The following DENND6A variants were observed in gnomAD, a reference collection of about 807,000 sequenced individuals.
DENND6A encodes the protein protein DENND6A.
In DENND6A, 43 loss-of-function variants were observed where a neutral mutation model predicts 95.5. The observed-to-expected ratio is 0.45, with a 90% CI of 0.35 to 0.58. DENND6A has a LOEUF of 0.58. Ranked by LOEUF, DENND6A falls within the 20% of genes least tolerant of loss-of-function variation. The pLI is 0.00. For synonymous variants in DENND6A, 257 were observed against 260.4 expected, an observed-to-expected ratio of 0.99 and a Z score of 0.13; for missense variants, 574 against 736.0, an observed-to-expected ratio of 0.78 and a Z score of 2.55.
At chr3:57,672,339 TAATC>T in intron 2 of DENND6A, 41 bp from the exon 3 acceptor site, 1 of 1,610,096 alleles carries the variant, frequency 6.2e-7, no homozygotes. Context: ...GACACATACA[TAATC>T]AATAAAAACA....
intron 11 of DENND6A, among the ~76,000 whole-genome samples, chr3:57,642,732 C>A (rs1431056302): frequency 1.3e-5 from 2 of 152,006 alleles, no homozygotes; most frequent in Non-Finnish European, 2.9e-5. Flanking sequence ...CGGCCAGGCG[C>A]GGTGGCTCAC....
At chr3:57,668,519 C>A (rs2071562510) in intron 3 of DENND6A, among the ~76,000 whole-genome samples, 1 of 152,122 alleles carries the variant, frequency 6.6e-6, no homozygotes, top group Non-Finnish European at 1.5e-5. Flanking sequence ...AAACACTGGA[C>A]AAATATTTAT....
chr3:57,675,730 G>A (rs752432866), intron 1 of DENND6A, among the ~76,000 whole-genome samples: 35 of 152,172 alleles, frequency 2.3e-4, no homozygotes, highest in Admixed American at 2.0e-4. Context: ...CACTCTACAA[G>A]CCAACCAAAC....
chr3:57,691,661 A>G (rs1389702283), intron 1 of DENND6A, among the ~76,000 whole-genome samples: 2 of 111,248 alleles, frequency 1.8e-5, no homozygotes, highest in Non-Finnish European at 3.6e-5. Flanking sequence ...GAAATCTGTC[A>G]CCAATACCAA....
intron 15 of DENND6A, among the ~76,000 whole-genome samples, chr3:57,631,690 G>A (rs1298188502): frequency 6.7e-6 from 1 of 150,236 alleles, no homozygotes; most frequent in Non-Finnish European, 1.5e-5. Flanking sequence ...TTGAAATGAG[G>A]TCTACTTGAC....
At chr3:57,689,316 A>T (rs2077239901) in intron 1 of DENND6A, among the ~76,000 whole-genome samples, 1 of 147,222 alleles carries the variant, frequency 6.8e-6, no homozygotes, top group African/African-American at 2.5e-5. Context: ...TTCACTCAGA[A>T]AAAAAAAAAA....
chr3:57,655,036 A>ATTT (rs374656731), intron 9 of DENND6A: 3 of 149,820 alleles, frequency 2.0e-5, no homozygotes, highest in African/African-American at 5.0e-5. Flanking sequence ...GAAAACAAGA[A>ATTT]TTTTTTTTTT....
At chr3:57,675,100 G>T (rs1198280814) in intron 1 of DENND6A, among the ~76,000 whole-genome samples, 2 of 152,144 alleles carry the variant, frequency 1.3e-5, no homozygotes. Flanking sequence ...ACATGTTTAT[G>T]TAACAAACTT....
At chr3:57,633,233 T>G in intron 15 of DENND6A, 32 bp downstream of exon 15, 1 of 1,566,378 alleles carries the variant, frequency 6.4e-7, no homozygotes, top group Non-Finnish European at 8.8e-7. Context: ...ACCAAATCAT[T>G]AAATTATGCA....
chr3:57,659,076 A>G, intron 8 of DENND6A, 42 bp downstream of exon 8: 1 of 1,590,662 alleles, frequency 6.3e-7, no homozygotes, highest in Non-Finnish European at 8.6e-7. Flanking sequence ...TGTTAAAGAG[A>G]CTATATATGT....
intron 9 of DENND6A, among the ~76,000 whole-genome samples, chr3:57,648,067 T>G (rs1299271022): frequency 6.6e-6 from 1 of 152,112 alleles, no homozygotes; most frequent in African/African-American, 2.4e-5. Flanking sequence ...ATGAGGAATT[T>G]AAACTGTCAC....
intron 5 of DENND6A, among the ~76,000 whole-genome samples, chr3:57,662,378 T>C (rs2071440205): frequency 6.6e-6 from 1 of 151,564 alleles, no homozygotes; most frequent in South Asian, 2.1e-4. Flanking sequence ...TCAGGGTGGA[T>C]TTTTGGTAGA....
intron 1 of DENND6A, among the ~76,000 whole-genome samples, chr3:57,688,924 T>G (rs1025102632): frequency 6.6e-6 from 1 of 152,332 alleles, no homozygotes; most frequent in Non-Finnish European, 1.5e-5. Context: ...AGCAGTTGCC[T>G]CTTAGTAGAA....
chr3:57,678,250 G>C (rs12636563), intron 1 of DENND6A, among the ~76,000 whole-genome samples: 24,640 of 152,110 alleles, frequency 0.16, 2,678 homozygotes, highest in East Asian at 0.48. Context: ...TATCTCTACA[G>C]CTTATCAGAA....
rs765306534 is a variant in DENND6A at position 57,693,037 on chromosome 3, TCGCGCCGCCTCCACAGCGGAC to T, written c.-40_-20del. The T allele has an allele frequency of 1.2e-5, 17 of 1,389,376 alleles. No individual in the cohort carries two copies. The South Asian group carries it at 1.4e-4, about 12-fold the overall frequency. 86.1% of individuals were successfully genotyped at this position (1,389,376 alleles called of 1,614,324 possible). The stretch of plus-strand genomic sequence containing the variant: ...AAGCCATCGGCCGCCCCCTGACCGT[TCGCGCCGCCTCCACAGCGGAC>T]CGCGCCGCAGAGCGCGCTTGCCTCC... On this transcript the variant is annotated 5_prime_UTR_variant, in exon 1 of 20. Coordinates refer to ENST00000311128, the MANE Select transcript of DENND6A (RefSeq NM_152678.3).
At chr3:57,630,329 A>G (rs1418065991) in intron 18 of DENND6A, 92 bp downstream of exon 18, 1 of 1,142,484 alleles carries the variant, frequency 8.8e-7, no homozygotes, top group South Asian at 1.7e-5. Flanking sequence ...ATTTATAAAG[A>G]GTGGATAAAG....
chr3:57,654,811 T>C (rs2071291907), intron 9 of DENND6A: 3 of 975,886 alleles, frequency 3.1e-6, no homozygotes, highest in Non-Finnish European at 3.7e-6. Flanking sequence ...TACTTTGCTT[T>C]CAAGCTCAGT....
intron 7 of DENND6A, among the ~76,000 whole-genome samples, chr3:57,659,500 C>A (rs563098596): frequency 6.6e-6 from 1 of 152,230 alleles, no homozygotes; most frequent in South Asian, 2.1e-4. Flanking sequence ...TACACACACC[C>A]AAACACACCC....
At chr3:57,688,793 C>A (rs932023487) in intron 1 of DENND6A, among the ~76,000 whole-genome samples, 1 of 152,088 alleles carries the variant, frequency 6.6e-6, no homozygotes, top group African/African-American at 2.4e-5. Context: ...GGAATCCTTA[C>A]AATCACTGTC....
Sources: allele counts gnomAD v4.1 joint callset (sites outside exome capture counted in the v4.1 genomes callset), GRCh38; gene constraint gnomAD v4.1.1; transcripts MANE v1.5; gene names NCBI Gene and HGNC (gene_info 2026-07-23, HGNC 2026-07-21).